PDE11A: variants seen among roughly 807,000 people sequenced by gnomAD.
The protein encoded by PDE11A is phosphodiesterase 11A, also known as dual 3',5'-cyclic-AMP and -GMP phosphodiesterase 11A.
PDE11A carries 100 observed loss-of-function variants against 100.5 expected under a neutral mutation model. The observed-to-expected ratio is 1.00, with a 90% confidence interval of 0.85 to 1.18. The LOEUF is 1.18. PDE11A is among the 50% of genes most tolerant of loss of function. PDE11A has a pLI of 0.00. For missense variants in PDE11A, 1,141 were observed against 1,152.6 expected, an observed-to-expected ratio of 0.99 and a Z score of 0.15; for synonymous variants, 381 against 420.8, an observed-to-expected ratio of 0.91 and a Z score of 1.16.
At chr2:177,723,531 A>G (rs973118152) in intron 12 of PDE11A, among the ~76,000 whole-genome samples, 2 of 152,180 alleles carry the variant, frequency 1.3e-5, no homozygotes, top group Non-Finnish European at 2.9e-5. Flanking sequence ...ATTCTATATG[A>G]ACCCTAGCTG....
intron 2 of PDE11A, among the ~76,000 whole-genome samples, chr2:177,989,532 A>G (rs1410238393): frequency 1.3e-5 from 2 of 152,200 alleles, no homozygotes; most frequent in Middle Eastern, 3.2e-3. Flanking sequence ...TCACTGACCC[A>G]CTGGGGATGC....
intron 1 of PDE11A, among the ~76,000 whole-genome samples, chr2:178,056,564 G>C (rs1034536300): frequency 6.6e-6 from 1 of 152,118 alleles, no homozygotes; most frequent in Non-Finnish European, 1.5e-5. Context: ...TTGCAATATA[G>C]CAAATAAATT....
In PDE11A at chr2:177,725,708, G is replaced by T. The variant is rs531564980; in HGVS notation, c.2043+1950C>A. ...TCTATTCTCTTCAATTTCTTGGAAA[G>T]GATCAAAATTGCCCATATAATGGAA... On this transcript the variant is annotated intron_variant, in intron 12 of 19. Coordinates refer to ENST00000286063, the MANE Select transcript of PDE11A (RefSeq NM_016953.4). Among the ~76,000 whole-genome samples the T allele has an allele frequency of 2.6e-5, 4 of 152,172 alleles. No individual in the cohort carries two copies. The South Asian group carries it at 8.3e-4, about 32-fold the overall frequency.
At chr2:177,652,442 G>C (rs1021922543) in intron 19 of PDE11A, among the ~76,000 whole-genome samples, 4 of 152,158 alleles carry the variant, frequency 2.6e-5, no homozygotes, top group Non-Finnish European at 5.9e-5. Flanking sequence ...CAAGAGCAGA[G>C]GGTACAAAGG....
intron 2 of PDE11A, among the ~76,000 whole-genome samples, chr2:177,942,733 T>A (rs976617719): frequency 2.0e-5 from 3 of 152,160 alleles, no homozygotes; most frequent in Non-Finnish European, 4.4e-5. Context: ...AAAAAACACA[T>A]AACATAAAAT....
At chr2:177,824,858 T>A (rs1460870491) in intron 6 of PDE11A, among the ~76,000 whole-genome samples, 1 of 152,200 alleles carries the variant, frequency 6.6e-6, no homozygotes, top group African/African-American at 2.4e-5. Flanking sequence ...TACATGCCTA[T>A]GGGTATACAA....
intron 1 of PDE11A, among the ~76,000 whole-genome samples, chr2:178,066,933 C>T (rs994288200): frequency 2.0e-5 from 3 of 152,194 alleles, no homozygotes; most frequent in African/African-American, 7.2e-5. Flanking sequence ...CAGAGTCCTG[C>T]TTTACCATCT....
At chr2:177,831,300 A>G (rs1258545509) in intron 6 of PDE11A, among the ~76,000 whole-genome samples, 1 of 152,226 alleles carries the variant, frequency 6.6e-6, no homozygotes, top group East Asian at 1.9e-4. Context: ...TGTAGCTCCT[A>G]TCAAAAGGAA....
chr2:177,998,037 T>G, intron 2 of PDE11A: 1 of 1,258,828 alleles, frequency 7.9e-7, no homozygotes, highest in African/African-American at 1.5e-5. Flanking sequence ...AGAAGGGTAC[T>G]GCCTGCTGAG....
intron 9 of PDE11A, among the ~76,000 whole-genome samples, chr2:177,793,618 G>A (rs1191072096): frequency 2.7e-5 from 4 of 150,936 alleles, no homozygotes; most frequent in South Asian, 2.1e-4. Flanking sequence ...CCCGGGTCCC[G>A]GTCCCTGAAG....
At chr2:177,763,365 C>T (rs1417551472) in intron 10 of PDE11A, among the ~76,000 whole-genome samples, 2 of 152,166 alleles carry the variant, frequency 1.3e-5, no homozygotes, top group East Asian at 3.9e-4. Context: ...TATATAGCTT[C>T]GAGGTAATCT....
chr2:177,814,678 A>C (rs1176365429), intron 9 of PDE11A, among the ~76,000 whole-genome samples: 2 of 152,242 alleles, frequency 1.3e-5, no homozygotes, highest in African/African-American at 4.8e-5. Flanking sequence ...GATTTGTCAG[A>C]GTCAGTAATA....
intron 19 of PDE11A, among the ~76,000 whole-genome samples, chr2:177,637,278 T>G (rs1056052424): frequency 3.3e-5 from 5 of 152,268 alleles, no homozygotes; most frequent in Admixed American, 1.3e-4. Flanking sequence ...ACCTAAGTCT[T>G]TCTGACTCTA....
intron 1 of PDE11A, among the ~76,000 whole-genome samples, chr2:178,040,921 ATTTTTATCT>A (rs1230140885): frequency 1.3e-5 from 2 of 152,114 alleles, no homozygotes; most frequent in African/African-American, 4.8e-5. Context: ...GCAGTCAGAA[ATTTTTATCT>A]ACTTATTTAT....
intron 9 of PDE11A, among the ~76,000 whole-genome samples, chr2:177,813,324 T>C (rs2082979993): frequency 6.6e-6 from 1 of 152,250 alleles, no homozygotes; most frequent in Non-Finnish European, 1.5e-5. Context: ...ATTGGTCTCT[T>C]GGCTGAATTC....
intron 2 of PDE11A, among the ~76,000 whole-genome samples, chr2:177,958,187 G>A (rs1444953391): frequency 6.6e-6 from 1 of 151,904 alleles, no homozygotes; most frequent in East Asian, 1.9e-4. Context: ...CACCGTGCCC[G>A]GCCTCAATGC....
intron 19 of PDE11A, among the ~76,000 whole-genome samples, chr2:177,661,071 G>C (rs943020957): frequency 2.0e-5 from 3 of 152,152 alleles, no homozygotes; most frequent in African/African-American, 7.2e-5. Context: ...CTCTCTATGA[G>C]AGTGCTTGCC....
At chr2:177,692,192 T>A (rs971083281) in intron 15 of PDE11A, among the ~76,000 whole-genome samples, 4 of 152,206 alleles carry the variant, frequency 2.6e-5, no homozygotes, top group Admixed American at 6.5e-5. Flanking sequence ...ACTCAAAAAG[T>A]ATTAGTTGTT....
intron 1 of PDE11A, among the ~76,000 whole-genome samples, chr2:178,049,516 T>C (rs2086794825): frequency 6.6e-6 from 1 of 152,086 alleles, no homozygotes; most frequent in South Asian, 2.1e-4. Context: ...GGACAGTGGG[T>C]GCAGCCCATG....
Sources: gnomAD v4.1 joint callset for allele counts (sites outside exome capture counted in the v4.1 genomes callset) on GRCh38, gnomAD v4.1.1 for gene constraint, MANE v1.5 for transcripts, NCBI Gene and HGNC (gene_info 2026-07-23, HGNC 2026-07-21) for gene names.